The following SEC31A variants were observed in gnomAD, a reference collection of about 807,000 sequenced individuals.
SEC31A encodes the protein protein transport protein Sec31A.
Under a neutral mutation model 151.0 loss-of-function variants are expected in SEC31A, and 70 were observed. The observed-to-expected ratio is 0.46, with a 90% CI of 0.38 to 0.57. The LOEUF is 0.57. SEC31A is among the 20% of genes least tolerant of loss of function. SEC31A has a pLI of 0.00. For missense variants in SEC31A, 1,330 were observed against 1,471.2 expected (o/e 0.90, Z 1.57); for synonymous variants, 475 against 505.9 (o/e 0.94, Z 0.82).
chr4:82,843,778 T>C (rs1450353882), intron 21 of SEC31A: 2 of 152,146 alleles, frequency 1.3e-5, no homozygotes, highest in African/African-American at 2.4e-5. Context: ...TCATTACACA[T>C]TTGTTAAAAT....
At chr4:82,863,005 C>A (rs1734524519) in intron 12 of SEC31A, among the ~76,000 whole-genome samples, 1 of 152,210 alleles carries the variant, frequency 6.6e-6, no homozygotes, top group African/African-American at 2.4e-5. Context: ...TCAATATGCA[C>A]TTAAAGTGCA....
At chr4:82,819,298 A>C (rs1195173171) in intron 26 of SEC31A, 45 bp from the exon 27 acceptor site, 62 of 1,422,436 alleles carry the variant, frequency 4.4e-5, no homozygotes, top group Non-Finnish European at 5.7e-5. Context: ...TTAAGGGATA[A>C]CTTCCCATGA....
Position 82,862,014 on chromosome 4 carries a change from G to C in SEC31A, c.1549-306C>G, listed in dbSNP as rs886725776. On this transcript the variant is annotated intron_variant, in intron 13 of 26. Coordinates refer to ENST00000395310, the MANE Select transcript of SEC31A (RefSeq NM_001077207.4). ...CTGCAACCTCCGCCTCCCAGTTCAA[G>C]CAATTCTCCTGCCTTAGCCGCCCAA... Among the ~76,000 whole-genome samples the C allele has an allele frequency of 3.7e-5, 5 of 136,028 alleles. No homozygotes were observed. The East Asian group carries it at 1.1e-3, about 31-fold the overall frequency. The allele number at this position is 136,028 out of a possible 152,430, so 89.2% of individuals were successfully genotyped here.
chr4:82,853,808 T>A, intron 17 of SEC31A, 93 bp from the exon 18 acceptor site: 1 of 984,250 alleles, frequency 1.0e-6, no homozygotes, highest in Non-Finnish European at 1.5e-6. Context: ...GAGGCATGGA[T>A]TAAGCTTCAT....
At chr4:82,824,717 C>A in intron 24 of SEC31A, 43 bp from the exon 25 acceptor site, 1 of 1,601,450 alleles carries the variant, frequency 6.2e-7, no homozygotes, top group Non-Finnish European at 8.5e-7. Context: ...TGACCAGAAG[C>A]TACCTTATAT....
At position 82,872,074 on chromosome 4, in the gene SEC31A, C is replaced by T; in HGVS notation, c.652G>A (p.Gly218Arg). Reference sequence around the variant, plus strand: ...GCAACATCAGGATGCCATGCCAACCCAGAACAATGCATCTGAAGATAGTTA... The same window carrying T: ...GCAACATCAGGATGCCATGCCAACCTAGAACAATGCATCTGAAGATAGTTA... ...SDHSNRMHCS[G>R]LAWHPDVATQ... The change falls in exon 7 of 27, where the codon GGG becomes AGG. Residue 218 changes from glycine (G) to arginine (R), a missense_variant. Transcript: ENST00000395310. The T allele has an allele frequency of 6.2e-7, 1 of 1,613,498 alleles. No homozygotes were observed. The highest frequency in any genetic ancestry group is 1.1e-5 in the South Asian group (1 of 91,054).
Position 82,849,652 on chromosome 4 carries a change from C to A in SEC31A, c.2329-675G>T, listed in dbSNP as rs1337844617. ...AAAAACTATAACTAAAAGAGGCCAC[C>A]AAAGAGAATCAACTACTAAAGGTGG... On this transcript the variant is annotated intron_variant, in intron 19 of 26. Coordinates refer to ENST00000395310, the MANE Select transcript of SEC31A (RefSeq NM_001077207.4). Among the ~76,000 whole-genome samples, 3 of 149,626 alleles carry A rather than the reference C, an allele frequency of 2.0e-5. No individual in the cohort carries two copies. The East Asian group carries it at 5.8e-4, about 29-fold the overall frequency.
At chr4:82,880,685 T>G in intron 3 of SEC31A, 114 bp downstream of exon 3, 2 of 871,932 alleles carry the variant, frequency 2.3e-6, no homozygotes, top group African/African-American at 1.7e-5. Flanking sequence ...AAATATTTCA[T>G]GTTCTTGATG....
chr4:82,871,704 T>C (rs1332191181), intron 7 of SEC31A: 1 of 538,828 alleles, frequency 1.9e-6, no homozygotes, highest in Non-Finnish European at 3.2e-6. Flanking sequence ...CCTGGCATGG[T>C]GGCTTGCGCC....
At chr4:82,876,881 A>G (rs1317242942) in intron 4 of SEC31A, among the ~76,000 whole-genome samples, 4 of 152,262 alleles carry the variant, frequency 2.6e-5, no homozygotes, top group African/African-American at 9.6e-5. Context: ...ATACTTTATT[A>G]AAAATCATCA....
At chr4:82,872,538 T>A (rs140787075) in intron 6 of SEC31A, among the ~76,000 whole-genome samples, 1 of 152,254 alleles carries the variant, frequency 6.6e-6, no homozygotes, top group African/African-American at 2.4e-5. Context: ...ACTACTAAAT[T>A]TTATTGAACA....
In SEC31A at chr4:82,842,172, G is replaced by A. The variant is rs1263107232; in HGVS notation, c.2936C>T (p.Ala979Val). ...TTGGGACGCAGGCAGCTCACTGGCA[G>A]CAGGCAGTGTACCTGTTGTTCCAGG... ...LPPGTTGTLPAASELPASQRT... is the reference protein window; with the variant it reads ...LPPGTTGTLPVASELPASQRT... The change falls in exon 22 of 27, where the codon GCT becomes GTT. Residue 979 changes from alanine to valine, a missense_variant. Ala to Val is a moderately conservative substitution (Grantham distance 64). Coordinates refer to ENST00000395310, the MANE Select transcript of SEC31A (RefSeq NM_001077207.4). The A allele has an allele frequency of 4.4e-6, 7 of 1,576,414 alleles. No individual in the cohort carries two copies. In the Admixed American group the frequency reaches 5.3e-5, roughly 12 times the overall value.
At chr4:82,863,846 T>C (rs1195077663) in intron 11 of SEC31A, among the ~76,000 whole-genome samples, 1 of 152,164 alleles carries the variant, frequency 6.6e-6, no homozygotes, top group Non-Finnish European at 1.5e-5. Context: ...AAGACTGCTT[T>C]ACCTTTGAAA....
At chr4:82,854,132 G>C (rs1261856563) in intron 17 of SEC31A, among the ~76,000 whole-genome samples, 1 of 152,174 alleles carries the variant, frequency 6.6e-6, no homozygotes, top group South Asian at 2.1e-4. Context: ...GGGAGGCTGA[G>C]ACGGGCAGAT....
intron 6 of SEC31A, among the ~76,000 whole-genome samples, chr4:82,872,716 T>C (rs1737005061): frequency 6.6e-6 from 1 of 152,144 alleles, no homozygotes; most frequent in South Asian, 2.1e-4. Flanking sequence ...ATTTATTTAT[T>C]TTTTTGAGAT....
intron 22 of SEC31A, among the ~76,000 whole-genome samples, chr4:82,833,218 T>C (rs891776317): frequency 2.0e-5 from 3 of 152,160 alleles, no homozygotes; most frequent in Non-Finnish European, 4.4e-5. Flanking sequence ...TGGAATACTA[T>C]GCAGCCATAA....
intron 20 of SEC31A, chr4:82,845,107 G>T: frequency 1.3e-6 from 1 of 793,248 alleles, no homozygotes; most frequent in Non-Finnish European, 2.0e-6. Flanking sequence ...TGGGGAGTGG[G>T]GGTGAAAGAG....
In SEC31A at chr4:82,842,414, A is replaced by G. The variant is rs1729125597; in HGVS notation, c.2694T>C (p.Pro898=). 1 of 1,613,894 alleles carries G rather than the reference A, an allele frequency of 6.2e-7. No homozygotes were observed. The highest frequency in any genetic ancestry group is 8.5e-7 in the Non-Finnish European group (1 of 1,179,976). Residue 898 remains proline (P), a synonymous_variant, in exon 22 of 27, where the codon CCT becomes CCC. Coordinates refer to ENST00000395310, the MANE Select transcript of SEC31A (RefSeq NM_001077207.4). ...GGSAMYRPQQ[P]VAPPTSNAYP... ...AAGCGTTTGAAGTAGGAGGAGCAACAGGCTGCTGAGGTCGATACATTGCTG... is the reference window on the plus strand; with the variant it reads ...AAGCGTTTGAAGTAGGAGGAGCAACGGGCTGCTGAGGTCGATACATTGCTG...
chr4:82,870,651 T>C (rs1211263576), intron 7 of SEC31A, among the ~76,000 whole-genome samples: 1 of 152,062 alleles, frequency 6.6e-6, no homozygotes, highest in African/African-American at 2.4e-5. Context: ...TGAGCTGAGA[T>C]TGAGCCACTG....
Sources: gnomAD v4.1 joint callset for allele counts (sites outside exome capture counted in the v4.1 genomes callset) on GRCh38, gnomAD v4.1.1 for gene constraint, MANE v1.5 for transcripts, NCBI Gene and HGNC (gene_info 2026-07-23, HGNC 2026-07-21) for gene names.